The following COL3A1 variants were observed in gnomAD, a reference collection of about 807,000 sequenced individuals.
COL3A1 encodes collagen alpha-1(III) chain.
A neutral mutation model predicts 200.9 loss-of-function variants in COL3A1; 46 were observed. That is an observed-to-expected ratio of 0.23 (90% CI 0.18 to 0.29). COL3A1 has a LOEUF of 0.29. Among genes scored for constraint, COL3A1 ranks in the 10% least tolerant of loss-of-function variants. The pLI is 1.00. For missense variants in COL3A1, 1,367 were observed against 1,917.6 expected, an observed-to-expected ratio of 0.71 and a Z score of 5.36; for synonymous variants, 650 against 628.0, an observed-to-expected ratio of 1.03 and a Z score of -0.52.
At chr2:189,001,677 A>T (rs1357191906) in intron 34 of COL3A1, 88 bp downstream of exon 34, 2 of 1,345,340 alleles carry the variant, frequency 1.5e-6, no homozygotes, top group Non-Finnish European at 1.1e-6. Context: ...TTTTGCCCTC[A>T]GTTCCCTGAG....
chr2:188,990,028 T>C, intron 8 of COL3A1, 68 bp from the exon 9 acceptor site: 1 of 1,425,866 alleles, frequency 7.0e-7, no homozygotes, highest in South Asian at 1.1e-5. Flanking sequence ...AAGTAACCAT[T>C]TTGCTTATTG....
chr2:189,007,721 T>A (rs1688626736), intron 45 of COL3A1, 114 bp downstream of exon 45: 5 of 1,252,660 alleles, frequency 4.0e-6, no homozygotes, highest in Non-Finnish European at 5.7e-6. Flanking sequence ...AGAAATGGAT[T>A]TGAAGGCTAA....
At position 189,006,963 on chromosome 2, in the gene COL3A1, C is replaced by T. The variant is rs200917999; in HGVS notation, c.3228C>T (p.Pro1076=). The T allele has an allele frequency of 4.3e-5, 69 of 1,612,938 alleles. No individual in the cohort carries two copies. The highest frequency in any genetic ancestry group is 1.7e-4 in the Middle Eastern group (1 of 5,810). ...GCCCTGCTGGCCCTGCTGGTGCTCC[C>T]GGTCCTGCTGGTTCCCGAGGTGCTC... ...ESGPAGPAGA[P]GPAGSRGAPG... Residue 1076 remains proline, a synonymous_variant, in exon 44 of 51, where the codon CCC becomes CCT. Transcript: ENST00000304636.
chr2:189,002,223 G>A, intron 34 of COL3A1, 75 bp from the exon 35 acceptor site: 2 of 1,192,756 alleles, frequency 1.7e-6, no homozygotes, highest in Non-Finnish European at 2.5e-6. Flanking sequence ...AAGATAAGAT[G>A]ATAAGATGAC....
At chr2:188,993,601 C>A in intron 16 of COL3A1, 142 bp downstream of exon 16, 1 of 731,122 alleles carries the variant, frequency 1.4e-6, no homozygotes. Context: ...GCTTAGTGCT[C>A]TAAAATGATC....
Position 188,985,352 on chromosome 2 carries a change from C to G in COL3A1, c.333+105C>G, listed in dbSNP as rs915579906. The stretch of plus-strand genomic sequence containing the variant: ...TTTCATCATACATTCTCTTCATTAC[C>G]ACATATTTGAATAATGGCACCAAAC... On this transcript the variant is annotated intron_variant, in intron 3 of 50. Coordinates refer to ENST00000304636, the MANE Select transcript of COL3A1 (RefSeq NM_000090.4). 4.4e-6 allele frequency: 4 copies of G among 899,030 alleles called. No homozygotes were observed. In the African/African-American group the frequency reaches 6.7e-5, roughly 15 times the overall value. The allele number at this position is 899,030 out of a possible 1,614,324, so 55.7% of individuals were successfully genotyped here. A position where few individuals can be genotyped will look rare whatever the true frequency, so the allele number is the denominator to read the frequency against.
rs775650556 is a variant in COL3A1 at position 189,002,331 on chromosome 2, G to T, written c.2425G>T (p.Ala809Ser). Residue 809 changes from alanine (A) to serine (S), a missense_variant, in exon 35 of 51, where the codon GCT (alanine) becomes TCT (serine). By Grantham distance (99) the Ala-to-Ser change is moderately conservative. Transcript: ENST00000304636. ...ERGETGPPGPAGFPGAPGQNG... is the reference protein window; with the variant it reads ...ERGETGPPGPSGFPGAPGQNG... Reference sequence around the variant, plus strand: ...AGGTGAAACTGGCCCTCCAGGACCTGCTGGTTTCCCTGGTGCTCCTGTAAG... The same window carrying T: ...AGGTGAAACTGGCCCTCCAGGACCTTCTGGTTTCCCTGGTGCTCCTGTAAG... The T allele has an allele frequency of 6.2e-7, 1 of 1,613,956 alleles. No individual in the cohort carries two copies. The highest frequency in any genetic ancestry group is 8.5e-7 in the Non-Finnish European group (1 of 1,179,856).
intron 1 of COL3A1, among the ~76,000 whole-genome samples, chr2:188,978,313 C>A (rs1453076960): frequency 6.6e-6 from 1 of 152,000 alleles, no homozygotes; most frequent in South Asian, 2.1e-4. Flanking sequence ...TATCTACAGG[C>A]TTCTTTTTAA....
chr2:188,998,729 A>T lies in COL3A1; in HGVS notation c.2022+11A>T. 3 of 1,613,262 alleles carry T rather than the reference A, an allele frequency of 1.9e-6. No individual in the cohort carries two copies. The highest frequency in any genetic ancestry group is 2.5e-6 in the Non-Finnish European group (3 of 1,179,368). ...GCTCCAGGAGGCAAGGTAGTATTTC[A>T]ATTTATTCTCTACCTTCTTCAGCAG... On this transcript the variant is annotated intron_variant, in intron 29 of 50. Coordinates refer to ENST00000304636, the MANE Select transcript of COL3A1 (RefSeq NM_000090.4).
At chr2:189,007,093 A>G (rs1688602819) in intron 44 of COL3A1, 103 bp downstream of exon 44, 1 of 354,662 alleles carries the variant, frequency 2.8e-6, no homozygotes, top group Non-Finnish European at 5.0e-6. Context: ...GGAAAAAAGA[A>G]TGAATATATA....
intron 44 of COL3A1, 85 bp downstream of exon 44, chr2:189,007,075 C>A: frequency 7.3e-6 from 5 of 685,798 alleles, no homozygotes; most frequent in East Asian, 5.3e-5. Context: ...TATTTTCCAG[C>A]GTGTTCAGGA....
chr2:188,997,512 TTGCTGAC>T, intron 26 of COL3A1, 123 bp downstream of exon 26: 1 of 1,221,500 alleles, frequency 8.2e-7, no homozygotes, highest in Non-Finnish European at 1.2e-6. Context: ...ATGATGAAAC[TTGCTGAC>T]CTAGTTATCT....
rs958176385 is a variant in COL3A1, at chr2:188,991,717, G to T, written c.946G>T (p.Ala316Ser). 3.1e-6 allele frequency: 5 copies of T among 1,613,856 alleles called. No homozygotes were observed. In the Admixed American group the frequency reaches 6.7e-5, roughly 22 times the overall value. The change falls in exon 13 of 51, where the codon GCT becomes TCT. Residue 316 changes from alanine (A) to serine (S), a missense_variant. Physicochemically the swap from Ala to Ser is moderately conservative, Grantham distance 99. Coordinates refer to ENST00000304636, the MANE Select transcript of COL3A1 (RefSeq NM_000090.4). The part of the protein sequence containing the change: ...GERGRPGLPG[A>S]AGARGNDGAR... ...GCGAGGACGGCCAGGACTTCCTGGGGCTGCAGTGAGTATAGCTGCTAACAT... is the reference window on the plus strand; with the variant it reads ...GCGAGGACGGCCAGGACTTCCTGGGTCTGCAGTGAGTATAGCTGCTAACAT...
At chr2:189,007,061 AT>A in intron 44 of COL3A1, 71 bp downstream of exon 44, 1 of 1,166,946 alleles carries the variant, frequency 8.6e-7, no homozygotes, top group Non-Finnish European at 1.2e-6. Context: ...TGTAGGAAAT[AT>A]TTTATTTTCC....
intron 1 of COL3A1, among the ~76,000 whole-genome samples, chr2:188,979,326 A>G (rs555418399): frequency 2.6e-5 from 4 of 152,094 alleles, no homozygotes; most frequent in Admixed American, 6.6e-5. Flanking sequence ...TCATTCAGTG[A>G]AAACTTCTGA....
Position 188,999,835 on chromosome 2 carries a change from T to G in COL3A1, c.2230-7T>G. On this transcript the variant is annotated splice_polypyrimidine_tract_variant and splice_region_variant and intron_variant, in intron 31 of 50. Coordinates refer to ENST00000304636, the MANE Select transcript of COL3A1 (RefSeq NM_000090.4). The stretch of plus-strand genomic sequence containing the variant: ...TGAATCTGATGACATTGGCTTTTAT[T>G]TGACAGGGTGAACCAGGCGGTCCAG... 2 of 1,593,752 alleles carry G rather than the reference T, an allele frequency of 1.3e-6. No individual in the cohort carries two copies. The highest frequency in any genetic ancestry group is 1.7e-6 in the Non-Finnish European group (2 of 1,171,070).
intron 1 of COL3A1, 62 bp downstream of exon 1, chr2:188,974,630 A>G: frequency 7.9e-7 from 1 of 1,259,490 alleles, no homozygotes; most frequent in Non-Finnish European, 1.2e-6. Flanking sequence ...CCTCACAAAG[A>G]GGGGTGTAAA....
Position 189,012,365 on chromosome 2 carries a change from A to G in COL3A1, c.*591A>G, listed in dbSNP as rs922019246. On this transcript the variant is annotated 3_prime_UTR_variant, in exon 51 of 51. Coordinates refer to ENST00000304636, the MANE Select transcript of COL3A1 (RefSeq NM_000090.4). ...AAAGCCACAATTATTTTAATATTGG[A>G]TATCAACTGCTTGTAAAGGTGCTCC... 2.6e-5 allele frequency: 4 copies of G among 152,882 alleles called. No individual in the cohort carries two copies. Among genetic ancestry groups the G allele is most frequent in the Admixed American group, 6.5e-5 (1 of 15,316 alleles). The allele number at this position is 152,882 out of a possible 1,614,324, so 9.5% of individuals were successfully genotyped here. A position where few individuals can be genotyped will look rare whatever the true frequency, so the allele number is the denominator to read the frequency against.
intron 29 of COL3A1, 28 bp downstream of exon 29, chr2:188,998,746 C>T (rs776500474): frequency 1.2e-6 from 2 of 1,604,954 alleles, no homozygotes; most frequent in African/African-American, 1.3e-5. Flanking sequence ...TCTCTACCTT[C>T]TTCAGCAGGT....
Sources: allele counts gnomAD v4.1 joint callset (sites outside exome capture counted in the v4.1 genomes callset), GRCh38; gene constraint gnomAD v4.1.1; transcripts MANE v1.5; gene names NCBI Gene and HGNC (gene_info 2026-07-23, HGNC 2026-07-21).